Variants in RANBP17 observed in about 807,000 individuals in gnomAD.
RANBP17 encodes RAN binding protein 17.
RANBP17 carries 158 observed loss-of-function variants against 141.2 expected under a neutral mutation model. The observed-to-expected ratio is 1.12, with a 90% CI of 0.98 to 1.28. The LOEUF (loss-of-function observed/expected upper bound fraction) is 1.28. Among genes scored for constraint, RANBP17 ranks in the 50% most tolerant of loss-of-function variants. The pLI, the probability that RANBP17 is intolerant of heterozygous loss-of-function variation, is 0.00. For synonymous variants in RANBP17, 430 were observed against 450.0 expected (o/e 0.96, Z 0.56); for missense variants, 1,438 against 1,290.7 (o/e 1.11, Z -1.75).
At chr5:171,135,423 G>C (rs1757208890) in intron 14 of RANBP17, among the ~76,000 whole-genome samples, 1 of 152,028 alleles carries the variant, frequency 6.6e-6, no homozygotes, top group Non-Finnish European at 1.5e-5. Flanking sequence ...TATTTTAAAA[G>C]GTGGAGACAA....
At chr5:170,931,374 C>G (rs1052977185) in intron 12 of RANBP17, among the ~76,000 whole-genome samples, 3 of 152,186 alleles carry the variant, frequency 2.0e-5, no homozygotes, top group Non-Finnish European at 4.4e-5. Flanking sequence ...CCTGTTCACT[C>G]TGATGGTAGT....
intron 9 of RANBP17, among the ~76,000 whole-genome samples, chr5:170,917,667 A>G (rs549575946): frequency 1.1e-4 from 16 of 152,118 alleles, no homozygotes; most frequent in Middle Eastern, 6.8e-3. Context: ...TAGTTGTGAA[A>G]TTTTCTGTTT....
At chr5:170,893,658 T>C (rs1385263496) in intron 4 of RANBP17, among the ~76,000 whole-genome samples, 2 of 151,898 alleles carry the variant, frequency 1.3e-5, no homozygotes, top group African/African-American at 4.8e-5. Flanking sequence ...CTGGGCGTGG[T>C]GGCGGGCGCC....
chr5:171,014,229 G>A (rs1561988551), intron 14 of RANBP17, among the ~76,000 whole-genome samples: 1 of 151,570 alleles, frequency 6.6e-6, no homozygotes, highest in African/African-American at 2.4e-5. Flanking sequence ...TATAAATAGG[G>A]TGGTAGGCAG....
At chr5:171,126,189 A>G (rs775796189) in intron 14 of RANBP17, among the ~76,000 whole-genome samples, 1 of 152,224 alleles carries the variant, frequency 6.6e-6, no homozygotes, top group Non-Finnish European at 1.5e-5. Context: ...GTACAAATAC[A>G]TGCAGTGTAA....
intron 14 of RANBP17, among the ~76,000 whole-genome samples, chr5:171,124,107 A>G (rs540854435): frequency 6.6e-6 from 1 of 152,292 alleles, no homozygotes; most frequent in East Asian, 1.9e-4. Flanking sequence ...GGTAAACAAT[A>G]ACAAGAAATC....
At chr5:170,888,951 T>C (rs192903395) in intron 3 of RANBP17, among the ~76,000 whole-genome samples, 2 of 152,158 alleles carry the variant, frequency 1.3e-5, no homozygotes, top group Admixed American at 6.5e-5. Flanking sequence ...TCAAATACTT[T>C]TTCTGCATCT....
At chr5:171,075,485 G>T (rs1271947087) in intron 14 of RANBP17, among the ~76,000 whole-genome samples, 1 of 152,150 alleles carries the variant, frequency 6.6e-6, no homozygotes, top group Non-Finnish European at 1.5e-5. Context: ...GAAATGTCCA[G>T]AGTAGGCAAT....
At chr5:171,140,755 T>C (rs1435565275) in intron 14 of RANBP17, among the ~76,000 whole-genome samples, 1 of 152,214 alleles carries the variant, frequency 6.6e-6, no homozygotes, top group Admixed American at 6.5e-5. Context: ...TCTATGCTTT[T>C]GAGAAGGTTG....
intron 25 of RANBP17, among the ~76,000 whole-genome samples, chr5:171,293,331 A>C (rs560117609): frequency 6.6e-6 from 1 of 152,232 alleles, no homozygotes; most frequent in Non-Finnish European, 1.5e-5. Context: ...AGTAATGTAC[A>C]TGTAGGAATG....
chr5:171,053,925 AATTGCTG>A (rs1783167215), intron 14 of RANBP17, among the ~76,000 whole-genome samples: 3 of 32,372 alleles, frequency 9.3e-5, no homozygotes, highest in Admixed American at 4.3e-4. Context: ...ATATATATAT[AATTGCTG>A]TATTTGATGC....
intron 8 of RANBP17, among the ~76,000 whole-genome samples, 185 bp downstream of exon 8, chr5:170,914,425 C>T (rs1474403822): frequency 6.6e-6 from 1 of 152,116 alleles, no homozygotes; most frequent in Admixed American, 6.6e-5. Context: ...GTCAACGTTA[C>T]ATTTTATTTC....
At chr5:171,292,587 CA>C (rs1187009754) in intron 25 of RANBP17, among the ~76,000 whole-genome samples, 1 of 152,192 alleles carries the variant, frequency 6.6e-6, no homozygotes, top group Non-Finnish European at 1.5e-5. Context: ...ATGGTGTGTG[CA>C]GTGGTCTTTG....
intron 14 of RANBP17, among the ~76,000 whole-genome samples, chr5:171,115,299 C>T (rs1400548407): frequency 3.3e-5 from 5 of 151,998 alleles, no homozygotes; most frequent in African/African-American, 1.2e-4. Context: ...AAATTCTACT[C>T]CCATTATGAA....
chr5:170,889,617 G>A (rs927190832), intron 3 of RANBP17, among the ~76,000 whole-genome samples: 4 of 152,166 alleles, frequency 2.6e-5, no homozygotes, highest in Non-Finnish European at 5.9e-5. Flanking sequence ...GTATTTGATG[G>A]GAAGCACTTC....
chr5:171,035,470 T>C (rs992767545), intron 14 of RANBP17, among the ~76,000 whole-genome samples: 1 of 152,042 alleles, frequency 6.6e-6, no homozygotes, highest in African/African-American at 2.4e-5. Flanking sequence ...ATGACCTTGT[T>C]TTTTAAGTAT....
At chr5:171,189,553 T>C (rs1761489816) in intron 18 of RANBP17, among the ~76,000 whole-genome samples, 1 of 152,212 alleles carries the variant, frequency 6.6e-6, no homozygotes, top group South Asian at 2.1e-4. Context: ...ACACCGTCAT[T>C]GTGGCTCCTG....
At chr5:171,064,223 A>G (rs1047377647) in intron 14 of RANBP17, among the ~76,000 whole-genome samples, 8 of 152,172 alleles carry the variant, frequency 5.3e-5, no homozygotes, top group Non-Finnish European at 8.8e-5. Context: ...AGTACCTCAG[A>G]TGGAAATGCA....
intron 25 of RANBP17, among the ~76,000 whole-genome samples, chr5:171,279,220 C>T (rs2128034886): frequency 6.6e-6 from 1 of 152,304 alleles, no homozygotes; most frequent in Non-Finnish European, 1.5e-5. Flanking sequence ...TTACCTGTTC[C>T]TCCTGCATAC....
Sources: allele counts gnomAD v4.1 joint callset (sites outside exome capture counted in the v4.1 genomes callset), GRCh38; gene constraint gnomAD v4.1.1; transcripts MANE v1.5; gene names NCBI Gene and HGNC (gene_info 2026-07-23, HGNC 2026-07-21).